Variants in ZNF208 observed in about 807,000 individuals in gnomAD.
ZNF208 encodes zinc finger protein 208.
A neutral mutation model predicts 12.1 loss-of-function variants in ZNF208; 10 were observed. The observed-to-expected ratio is 0.83, with a 90% confidence interval of 0.51 to 1.40. The LOEUF (loss-of-function observed/expected upper bound fraction) is 1.40. Among genes scored for constraint, ZNF208 ranks in the 40% most tolerant of loss-of-function variants. ZNF208 has a pLI of 0.00. For missense variants in ZNF208, 1,652 were observed against 1,485.0 expected, an observed-to-expected ratio of 1.11 and a Z score of -1.85; for synonymous variants, 497 against 488.4, an observed-to-expected ratio of 1.02 and a Z score of -0.23.
At chr19:21,951,360 T>C (rs952039551) in intron 4 of ZNF208, among the ~76,000 whole-genome samples, 1 of 152,170 alleles carries the variant, frequency 6.6e-6, no homozygotes, top group Non-Finnish European at 1.5e-5. Flanking sequence ...TGAATGTGTA[T>C]GCAACGTGTG....
At chr19:21,980,570 G>A (rs1336402725) in intron 3 of ZNF208, among the ~76,000 whole-genome samples, 5 of 152,116 alleles carry the variant, frequency 3.3e-5, no homozygotes, top group Non-Finnish European at 7.4e-5. Context: ...AGACAAAGCA[G>A]TGTCTAGAAA....
rs1395187372 is a variant in ZNF208, at chr19:21,970,067, C to T, written c.*1124G>A. On this transcript the variant is annotated 3_prime_UTR_variant, in exon 4 of 4. Coordinates refer to ENST00000397126, the MANE Select transcript of ZNF208 (RefSeq NM_007153.3). ...CTTACCTACAATCAAGTGTGACAGC[C>T]ACTTAAAGGCTTTGTCATATTCTTC... Among the ~76,000 whole-genome samples the T allele has an allele frequency of 2.0e-5, 3 of 152,138 alleles. No homozygotes were observed. Among genetic ancestry groups the T allele is most frequent in the Non-Finnish European group, 4.4e-5 (3 of 68,026 alleles).
chr19:21,986,670 A>T (rs1351504644), intron 3 of ZNF208: 1 of 184,802 alleles, frequency 5.4e-6, no homozygotes, highest in Non-Finnish European at 1.1e-5. Flanking sequence ...TGAAACTACA[A>T]GAAACTGTGA....
intron 1 of ZNF208, among the ~76,000 whole-genome samples, chr19:21,999,283 A>G (rs1010125220): frequency 2.0e-5 from 3 of 152,192 alleles, no homozygotes; most frequent in Non-Finnish European, 4.4e-5. Flanking sequence ...AAAAATATGA[A>G]TAATATTAAA....
At chr19:22,006,272 C>T (rs1971042493) in intron 1 of ZNF208, among the ~76,000 whole-genome samples, 1 of 152,058 alleles carries the variant, frequency 6.6e-6, no homozygotes, top group Non-Finnish European at 1.5e-5. Flanking sequence ...TTTGCTTTTC[C>T]CTAGGAAAAA....
At position 21,973,149 on chromosome 19, in the gene ZNF208, C is replaced by T. The variant is rs777303185; in HGVS notation, c.1885G>A (p.Ala629Thr). The T allele has an allele frequency of 2.5e-6, 4 of 1,606,866 alleles. No homozygotes were observed. Among genetic ancestry groups the T allele is most frequent in the Non-Finnish European group, 3.4e-6 (4 of 1,177,162 alleles). Reference protein sequence around the residue: ...SKVSTLTTHKAIHAGEKPYKC... With the variant: ...SKVSTLTTHKTIHAGEKPYKC... ...TAGGGCTTCTCTCCAGCATGAATTG[C>T]CTTATGTGTAGTAAGGGTTGAGACC... The change falls in exon 4 of 4, where the codon GCA (alanine) becomes ACA (threonine). Residue 629 changes from alanine to threonine, a missense_variant. Transcript: ENST00000397126.
intron 1 of ZNF208, among the ~76,000 whole-genome samples, chr19:22,001,922 GA>G (rs1226524087): frequency 1.3e-5 from 1 of 75,500 alleles, no homozygotes; most frequent in East Asian, 4.3e-4. Flanking sequence ...AAAAAAAAAA[GA>G]AAAAAGAAAA....
chr19:21,965,224 A>C (rs1199984999), downstream of ZNF208, among the ~76,000 whole-genome samples: 1 of 152,094 alleles, frequency 6.6e-6, no homozygotes, highest in African/African-American at 2.4e-5. Context: ...AAATTTTTAG[A>C]AACTATAAAT....
chr19:21,957,513 T>C (rs1969994906), intron 4 of ZNF208, among the ~76,000 whole-genome samples: 1 of 152,198 alleles, frequency 6.6e-6, no homozygotes, highest in Admixed American at 6.5e-5. Flanking sequence ...TCATACAAAA[T>C]TCCTGGACTG....
intron 1 of ZNF208, among the ~76,000 whole-genome samples, chr19:22,010,042 G>A (rs547846763): frequency 6.6e-6 from 1 of 151,954 alleles, no homozygotes; most frequent in African/African-American, 2.4e-5. Context: ...AAAAGTAACC[G>A]AGCGTGGTGG....
intron 3 of ZNF208, among the ~76,000 whole-genome samples, chr19:21,978,698 G>A (rs922296980): frequency 6.6e-6 from 1 of 152,138 alleles, no homozygotes; most frequent in Non-Finnish European, 1.5e-5. Flanking sequence ...TGCCAGCAAA[G>A]AAAGAAAACT....
rs1268212159 is a variant in ZNF208, at chr19:21,967,521, G to A, written c.*3670C>T. ...TTTCCTCAGCCTCCCAAGTAGCTGG[G>A]ATTACAGGCATGCACCACCACACCT... On this transcript the variant is annotated 3_prime_UTR_variant, in exon 4 of 4. Transcript: ENST00000397126. The A allele has an allele frequency of 6.6e-6, 1 of 152,072 alleles. No individual in the cohort carries two copies. Among genetic ancestry groups the A allele is most frequent in the Non-Finnish European group, 1.5e-5 (1 of 68,050 alleles). 9.4% of individuals were successfully genotyped at this position (152,072 alleles called of 1,614,324 possible).
chr19:21,990,599 T>C (rs1023615552), intron 1 of ZNF208, among the ~76,000 whole-genome samples: 28 of 152,048 alleles, frequency 1.8e-4, no homozygotes, highest in Non-Finnish European at 8.8e-5. Context: ...TCCATATGAA[T>C]TTTAAAGTAG....
downstream of ZNF208, among the ~76,000 whole-genome samples, chr19:21,961,263 C>A (rs868624385): frequency 1.3e-5 from 2 of 152,110 alleles, no homozygotes; most frequent in African/African-American, 4.8e-5. Flanking sequence ...CCCACCTGAG[C>A]CACAAATCCA....
intron 4 of ZNF208, among the ~76,000 whole-genome samples, chr19:21,955,759 T>C (rs944415569): frequency 1.3e-5 from 2 of 152,220 alleles, no homozygotes; most frequent in African/African-American, 4.8e-5. Flanking sequence ...TCAGCTTCAT[T>C]GAGATGGGTT....
At chr19:21,943,213 AG>A (rs1969769116) in intron 4 of ZNF208, among the ~76,000 whole-genome samples, 1 of 152,212 alleles carries the variant, frequency 6.6e-6, no homozygotes, top group Non-Finnish European at 1.5e-5. Flanking sequence ...TCAATGTTTG[AG>A]TATTTGGACT....
intron 1 of ZNF208, among the ~76,000 whole-genome samples, chr19:22,001,794 G>T (rs957757787): frequency 6.8e-6 from 1 of 147,124 alleles, no homozygotes; most frequent in Non-Finnish European, 1.5e-5. Flanking sequence ...TCAAGAGGCT[G>T]AGGCAGGAGA....
At position 21,969,803 on chromosome 19, in the gene ZNF208, A is replaced by G. The variant is rs1970246141; in HGVS notation, c.*1388T>C. Among the ~76,000 whole-genome samples the G allele has an allele frequency of 6.6e-6, 1 of 152,068 alleles. No homozygotes were observed. Among genetic ancestry groups the G allele is most frequent in the East Asian group, 1.9e-4 (1 of 5,180 alleles). ...ATTCTTCTGTACTTTAACAGCTTTTATTTTCTGAAAGATCTAGTGACAGTG... is the reference window on the plus strand; with the variant it reads ...ATTCTTCTGTACTTTAACAGCTTTTGTTTTCTGAAAGATCTAGTGACAGTG... On this transcript the variant is annotated 3_prime_UTR_variant, in exon 4 of 4. Transcript: ENST00000397126.
chr19:21,970,834 C>T lies in ZNF208; in HGVS notation c.*357G>A. The stretch of plus-strand genomic sequence containing the variant: ...CTAAAGACTGAGAACCAGCTGAAGG[C>T]TTTGCCACTTTCTTCACATTTGTAG... On this transcript the variant is annotated 3_prime_UTR_variant, in exon 4 of 4. Transcript: ENST00000397126. 1.3e-6 allele frequency: 2 copies of T among 1,490,008 alleles called. No individual in the cohort carries two copies. The highest frequency in any genetic ancestry group is 9.3e-7 in the Non-Finnish European group (1 of 1,070,604). The allele number at this position is 1,490,008 out of a possible 1,614,324, so 92.3% of individuals were successfully genotyped here. A position where few individuals can be genotyped will look rare whatever the true frequency, so the allele number is the denominator to read the frequency against.
Sources: allele counts gnomAD v4.1 joint callset (sites outside exome capture counted in the v4.1 genomes callset), GRCh38; gene constraint gnomAD v4.1.1; transcripts MANE v1.5; gene names NCBI Gene and HGNC (gene_info 2026-07-23, HGNC 2026-07-21).